Variants in LRRC71 observed in about 807,000 individuals in gnomAD.
LRRC71 encodes leucine rich repeat containing 71.
In LRRC71, 54 loss-of-function variants were observed where a neutral mutation model predicts 66.6. The observed-to-expected ratio is 0.81, with a 90% CI of 0.65 to 1.02. The LOEUF (loss-of-function observed/expected upper bound fraction) is 1.02. Ranked by LOEUF, LRRC71 falls within the 50% of genes least tolerant of loss-of-function variation. The probability of loss-of-function intolerance (pLI) is 0.00; values close to 1 mark genes in which losing one functional copy is unlikely to be tolerated. For synonymous variants in LRRC71, 323 were observed against 303.9 expected (o/e 1.06, Z -0.65); for missense variants, 724 against 718.0 (o/e 1.01, Z -0.10).
At chr1:156,923,004 A>G (rs1571024951) in intron 1 of LRRC71, among the ~76,000 whole-genome samples, 1 of 152,148 alleles carries the variant, frequency 6.6e-6, no homozygotes, top group African/African-American at 2.4e-5. Context: ...TGCTTCGCCC[A>G]TTTGGCTGTG....
At chr1:156,928,499 C>CT (rs1653747150) in intron 9 of LRRC71, among the ~76,000 whole-genome samples, 7 of 139,176 alleles carry the variant, frequency 5.0e-5, no homozygotes, top group African/African-American at 2.1e-4. Context: ...TCCTCTTCTT[C>CT]CTCCTCCTCC....
At chr1:156,939,547 C>T in the LRRC71 span, 4 of 1,610,302 alleles carry the variant, frequency 2.5e-6, no homozygotes, top group Non-Finnish European at 3.4e-6. Context: ...ATTTATTTTA[C>T]CTTTTCTCAC....
At chr1:156,928,418 T>TCTTATTCCG (rs1653674490) in intron 9 of LRRC71, among the ~76,000 whole-genome samples, 1 of 118,430 alleles carries the variant, frequency 8.4e-6, no homozygotes, top group African/African-American at 3.5e-5. Flanking sequence ...CTCTTATTCC[T>TCTTATTCCG]CCTCCTCCTC....
chr1:156,928,362 CCTCTTCT>C (rs1653583315), intron 9 of LRRC71, among the ~76,000 whole-genome samples: 1 of 140,846 alleles, frequency 7.1e-6, no homozygotes, highest in Non-Finnish European at 1.5e-5. Flanking sequence ...TCTTCTTCTT[CCTCTTCT>C]TCTTCTTCTT....
rs1360888872 is a variant in LRRC71, at chr1:156,921,679, A to G, written c.160+716A>G. 3.1e-6 allele frequency: 3 copies of G among 981,254 alleles called. No individual in the cohort carries two copies. The African/African-American group carries it at 5.4e-5, about 18-fold the overall frequency. 60.8% of individuals were successfully genotyped at this position (981,254 alleles called of 1,614,324 possible). A position where few individuals can be genotyped will look rare whatever the true frequency, so the allele number is the denominator to read the frequency against. ...GGAAGGGAAGACAAGACAGTATACA[A>G]TCCCCTACAGGTACGAAGCCAGTTA... On this transcript the variant is annotated intron_variant, in intron 1 of 14. Transcript: ENST00000337428.
chr1:156,937,306 G>C (rs151281059), downstream of LRRC71: 1 of 1,613,806 alleles, frequency 6.2e-7, no homozygotes, highest in Non-Finnish European at 8.5e-7. Context: ...TCATGCCCAC[G>C]TCCCTGAGGG....
rs1470483485 is a variant in LRRC71 at position 156,933,079 on chromosome 1, C to T, written c.*110C>T. Reference sequence around the variant, plus strand: ...CTCAGACCAATAACAAAGTCTGTTGCTATACTTTTCCTTGAGGTCGTCTGA... The same window carrying T: ...CTCAGACCAATAACAAAGTCTGTTGTTATACTTTTCCTTGAGGTCGTCTGA... On this transcript the variant is annotated 3_prime_UTR_variant, in exon 15 of 15. Coordinates refer to ENST00000337428, the MANE Select transcript of LRRC71 (RefSeq NM_144702.3). 1.4e-6 allele frequency: 1 copy of T among 729,482 alleles called. No homozygotes were observed. The highest frequency in any genetic ancestry group is 2.3e-6 in the Non-Finnish European group (1 of 444,438). The allele number at this position is 729,482 out of a possible 1,614,324, so 45.2% of individuals were successfully genotyped here.
chr1:156,930,072 C>CTT (rs1553189724), intron 11 of LRRC71, among the ~76,000 whole-genome samples: 18 of 115,282 alleles, frequency 1.6e-4, no homozygotes, highest in African/African-American at 5.2e-4. Context: ...TTCTTTCTTT[C>CTT]TTTCTTTTCT....
the LRRC71 span, chr1:156,939,623 G>A: frequency 6.2e-7 from 1 of 1,613,666 alleles, no homozygotes; most frequent in Non-Finnish European, 8.5e-7. Context: ...TCCAGTTCTG[G>A]AGACTCCCAT....
Position 156,924,933 on chromosome 1 carries a change from G to A in LRRC71, c.516-5G>A, listed in dbSNP as rs756097566. The A allele has an allele frequency of 1.9e-6, 3 of 1,551,714 alleles. No homozygotes were observed. Among genetic ancestry groups the A allele is most frequent in the Non-Finnish European group, 1.7e-6 (2 of 1,147,000 alleles). ...CTGTGTTTCTGCACTTCCCGCCCAC[G>A]ACAGCTTGTGGAAGGTGGGGCTGAC... On this transcript the variant is annotated splice_region_variant and splice_polypyrimidine_tract_variant and intron_variant, in intron 4 of 14. Transcript: ENST00000337428.
intron 9 of LRRC71, 149 bp downstream of exon 9, chr1:156,928,153 C>T (rs1653527963): frequency 1.2e-6 from 1 of 813,900 alleles, no homozygotes; most frequent in Non-Finnish European, 1.9e-6. Context: ...TCTGCACAGA[C>T]TTTTGCCAAG....
intron 1 of LRRC71, among the ~76,000 whole-genome samples, chr1:156,922,451 G>T (rs892434512): frequency 3.9e-5 from 6 of 152,214 alleles, no homozygotes; most frequent in Non-Finnish European, 8.8e-5. Flanking sequence ...GTCCGGTAGA[G>T]AGTGATGGCT....
intron 1 of LRRC71, among the ~76,000 whole-genome samples, chr1:156,922,175 G>C (rs1652494272): frequency 6.6e-6 from 1 of 152,116 alleles, no homozygotes; most frequent in Non-Finnish European, 1.5e-5. Flanking sequence ...GTGACTTTGG[G>C]AGCTGCTGAT....
chr1:156,930,967 G>A (rs1654274674), intron 12 of LRRC71, among the ~76,000 whole-genome samples: 1 of 152,188 alleles, frequency 6.6e-6, no homozygotes, highest in African/African-American at 2.4e-5. Context: ...CACTTGCTTG[G>A]ACTGTTGCAT....
At position 156,929,634 on chromosome 1, in the gene LRRC71, A is replaced by T. The variant is rs1653969833; in HGVS notation, c.1147-2A>T. The T allele has an allele frequency of 1.9e-6, 3 of 1,581,020 alleles. No individual in the cohort carries two copies. The highest frequency in any genetic ancestry group is 1.2e-5 in the South Asian group (1 of 86,120). The stretch of plus-strand genomic sequence containing the variant: ...GCCCCTCTCTTCTCACATTCTCCAC[A>T]GGAATTGGCCAAGAAAGAGGAGAAG... On this transcript the variant is annotated splice_acceptor_variant, in intron 10 of 14. Transcript: ENST00000337428. LOFTEE classifies it high-confidence loss of function.
chr1:156,936,922 G>A, downstream of LRRC71: 1 of 1,614,144 alleles, frequency 6.2e-7, no homozygotes, highest in Non-Finnish European at 8.5e-7. Context: ...CTGCTTCTGT[G>A]TGGAAACTGC....
downstream of LRRC71, among the ~76,000 whole-genome samples, chr1:156,938,091 G>C (rs535167146): frequency 2.6e-5 from 4 of 152,338 alleles, no homozygotes; most frequent in Non-Finnish European, 5.9e-5. Context: ...CTGAGGTGGG[G>C]AAGTGGCTGC....
chr1:156,929,480 G>T, intron 10 of LRRC71, 51 bp downstream of exon 10: 1 of 1,610,530 alleles, frequency 6.2e-7, no homozygotes, highest in South Asian at 1.1e-5. Flanking sequence ...AGGGGAGGGG[G>T]CTTCCATCAT....
At position 156,930,561 on chromosome 1, in the gene LRRC71, G is replaced by A; in HGVS notation, c.1273G>A (p.Ala425Thr). ...CATCCCTGAACAGAAGCCAAGCAGG[G>A]CAAAAGGGATCAAGATCGGGAGCAG... ...VTIPEQKPSR[A>T]KGIKIGSREK... Residue 425 changes from alanine to threonine, a missense_variant, in exon 12 of 15, where the codon GCA becomes ACA. Coordinates refer to ENST00000337428, the MANE Select transcript of LRRC71 (RefSeq NM_144702.3). 6.4e-7 allele frequency: 1 copy of A among 1,568,964 alleles called. No homozygotes were observed.
Sources: allele counts gnomAD v4.1 joint callset (sites outside exome capture counted in the v4.1 genomes callset), GRCh38; gene constraint gnomAD v4.1.1; transcripts MANE v1.5; gene names NCBI Gene and HGNC (gene_info 2026-07-23, HGNC 2026-07-21).